BDP1: variants seen among roughly 807,000 people sequenced by gnomAD.
The protein encoded by BDP1 is transcription factor TFIIIB component B'' homolog.
A neutral mutation model predicts 266.6 loss-of-function variants in BDP1; 169 were observed. The observed-to-expected ratio is 0.63, with a 90% CI of 0.56 to 0.72. The LOEUF (loss-of-function observed/expected upper bound fraction) is 0.72. Ranked by LOEUF, BDP1 falls within the 30% of genes least tolerant of loss-of-function variation. The pLI is 0.00. For synonymous variants in BDP1, 1,090 were observed against 1,022.4 expected (o/e 1.07, Z -1.26); for missense variants, 3,015 against 3,053.8 (o/e 0.99, Z 0.30).
At chr5:71,486,850 T>C (rs1763292145) in intron 9 of BDP1, among the ~76,000 whole-genome samples, 1 of 152,216 alleles carries the variant, frequency 6.6e-6, no homozygotes. Flanking sequence ...TTGATATCTC[T>C]CTAGCATAGA....
At chr5:71,473,880 C>G (rs1762427646) in intron 7 of BDP1, among the ~76,000 whole-genome samples, 1 of 148,382 alleles carries the variant, frequency 6.7e-6, no homozygotes, top group African/African-American at 2.5e-5. Context: ...CTTCCTGTGT[C>G]CATGTGTTCT....
At chr5:71,462,309 T>A (rs960487403) in intron 3 of BDP1, among the ~76,000 whole-genome samples, 1 of 152,218 alleles carries the variant, frequency 6.6e-6, no homozygotes, top group African/African-American at 2.4e-5. Flanking sequence ...ATAGCACTTT[T>A]ATAGTAAATT....
chr5:71,551,277 G>A (rs945607565), intron 34 of BDP1, among the ~76,000 whole-genome samples: 2 of 152,162 alleles, frequency 1.3e-5, no homozygotes, highest in Non-Finnish European at 2.9e-5. Flanking sequence ...CTGTTTTTGT[G>A]TCCCTGGGTA....
At chr5:71,458,504 C>T in intron 1 of BDP1, 75 bp from the exon 2 acceptor site, 1 of 1,119,684 alleles carries the variant, frequency 8.9e-7, no homozygotes, top group Non-Finnish European at 1.2e-6. Flanking sequence ...TGGATTTTCA[C>T]CAGACTAGGT....
chr5:71,509,015 G>T (rs558209008), intron 16 of BDP1, among the ~76,000 whole-genome samples: 1 of 152,264 alleles, frequency 6.6e-6, no homozygotes, highest in African/African-American at 2.4e-5. Context: ...TTTAATCTTG[G>T]TCAAGTCATA....
rs377599570 is a variant in BDP1, at chr5:71,506,823, A to ACAC, written c.2372+2073_2372+2074insACC. 6.3e-4 allele frequency among the ~76,000 whole-genome samples: 90 copies of ACAC among 141,804 alleles called. 1 individual carries two copies. The highest frequency in any genetic ancestry group is 2.2e-3 in the African/African-American group (84 of 38,286). 93.0% of individuals were successfully genotyped at this position (141,804 alleles called of 152,430 possible). A position where few individuals can be genotyped will look rare whatever the true frequency, so the allele number is the denominator to read the frequency against. On this transcript the variant is annotated intron_variant, in intron 16 of 38. Coordinates refer to ENST00000358731, the MANE Select transcript of BDP1 (RefSeq NM_018429.3). ...CACACACACACACACACACACACAC[A>ACAC]CCCATATTTTTTTAAAGACAAGGGT... is the stretch of plus-strand genomic sequence containing the variant.
the BDP1 span, among the ~76,000 whole-genome samples, chr5:71,577,495 A>G: frequency 3.9e-5 from 6 of 152,236 alleles, no homozygotes; most frequent in Non-Finnish European, 8.8e-5. Flanking sequence ...AAAGCTTGCA[A>G]TTGCAGCAGT....
Position 71,517,306 on chromosome 5 carries a change from G to C in BDP1, c.4861-16G>C. ...TGCTATAAAAATAACATACTAATATGATTTTGTCTTTTCAGTCAAATTCTC... is the reference window on the plus strand; with the variant it reads ...TGCTATAAAAATAACATACTAATATCATTTTGTCTTTTCAGTCAAATTCTC... On this transcript the variant is annotated splice_polypyrimidine_tract_variant and intron_variant, in intron 21 of 38. Coordinates refer to ENST00000358731, the MANE Select transcript of BDP1 (RefSeq NM_018429.3). The C allele has an allele frequency of 6.3e-7, 1 of 1,585,342 alleles. No individual in the cohort carries two copies. The highest frequency in any genetic ancestry group is 8.6e-7 in the Non-Finnish European group (1 of 1,165,400).
intron 34 of BDP1, among the ~76,000 whole-genome samples, chr5:71,551,947 G>T (rs1440526795): frequency 2.0e-5 from 3 of 147,706 alleles, no homozygotes; most frequent in Non-Finnish European, 3.0e-5. Context: ...TGGCCGGGCG[G>T]GGGGCTGACC....
chr5:71,535,369 T>A (rs1156655594), intron 26 of BDP1, among the ~76,000 whole-genome samples: 8 of 151,952 alleles, frequency 5.3e-5, no homozygotes, highest in African/African-American at 1.9e-4. Flanking sequence ...CACATCCAAC[T>A]AATTTTTGTA....
At chr5:71,523,040 T>C in intron 24 of BDP1, 91 bp downstream of exon 24, 2 of 1,053,842 alleles carry the variant, frequency 1.9e-6, no homozygotes, top group Non-Finnish European at 2.7e-6. Flanking sequence ...AATTTTTGGG[T>C]GTTGAGTCCA....
At chr5:71,512,151 T>C (rs2150478004) in intron 17 of BDP1, 90 bp from the exon 18 acceptor site, 1 of 598,344 alleles carries the variant, frequency 1.7e-6, no homozygotes, top group East Asian at 3.3e-5. Context: ...TAAAGGAAAG[T>C]GTTTAGAATT....
At chr5:71,483,429 T>C (rs1252010485) in intron 7 of BDP1, among the ~76,000 whole-genome samples, 1 of 152,222 alleles carries the variant, frequency 6.6e-6, no homozygotes, top group Non-Finnish European at 1.5e-5. Flanking sequence ...AAAATTTCAC[T>C]TAGTTGTTTC....
chr5:71,526,315 A>AT (rs1433188770), intron 25 of BDP1, among the ~76,000 whole-genome samples: 4 of 118,784 alleles, frequency 3.4e-5, no homozygotes, highest in Admixed American at 2.3e-4. Flanking sequence ...GAAGGGACAT[A>AT]CTTTTTTTTT....
intron 25 of BDP1, among the ~76,000 whole-genome samples, chr5:71,526,084 A>C (rs1256817109): frequency 1.3e-5 from 2 of 152,160 alleles, no homozygotes; most frequent in East Asian, 3.9e-4. Flanking sequence ...GGGCCAAGGC[A>C]GGCAGCTGGG....
chr5:71,473,580 G>A (rs1270772062), intron 7 of BDP1, among the ~76,000 whole-genome samples: 1 of 151,958 alleles, frequency 6.6e-6, no homozygotes, highest in Non-Finnish European at 1.5e-5. Flanking sequence ...GCTTCTTAAT[G>A]TAAGTTTTAG....
chr5:71,474,032 G>A (rs1344705797), intron 7 of BDP1, among the ~76,000 whole-genome samples: 2 of 152,038 alleles, frequency 1.3e-5, no homozygotes, highest in African/African-American at 4.8e-5. Context: ...CCAGGCTGGA[G>A]TGCAGTGGCG....
intron 25 of BDP1, among the ~76,000 whole-genome samples, chr5:71,530,776 G>A (rs1030187818): frequency 6.6e-6 from 1 of 152,100 alleles, no homozygotes; most frequent in Non-Finnish European, 1.5e-5. Flanking sequence ...ACATACAAAT[G>A]TAATTATAAC....
rs201913129 is a variant in BDP1 at position 71,512,246 on chromosome 5, T to A, written c.4065T>A (p.Ile1355=). 1 of 1,477,158 alleles carries A rather than the reference T, an allele frequency of 6.8e-7. No individual in the cohort carries two copies. Among genetic ancestry groups the A allele is most frequent in the African/African-American group, 1.4e-5 (1 of 70,514 alleles). 91.5% of individuals were successfully genotyped at this position (1,477,158 alleles called of 1,614,324 possible). The change falls in exon 18 of 39, where the codon ATT becomes ATA. Residue 1355 remains isoleucine (I), a synonymous_variant. Coordinates refer to ENST00000358731, the MANE Select transcript of BDP1 (RefSeq NM_018429.3). Reference sequence around the variant, plus strand: ...TACTATGACTGTTCCTCTAGAACATTAGCAGTGAAGTACTGTCGATGATGC... The same window carrying A: ...TACTATGACTGTTCCTCTAGAACATAAGCAGTGAAGTACTGTCGATGATGC... ...SAVPSLDIQN[I]SSEVLSMMHT...
Sources: allele counts gnomAD v4.1 joint callset (sites outside exome capture counted in the v4.1 genomes callset), GRCh38; gene constraint gnomAD v4.1.1; transcripts MANE v1.5; gene names NCBI Gene and HGNC (gene_info 2026-07-23, HGNC 2026-07-21).